Variants in ABHD2 observed in about 807,000 individuals in gnomAD.
ABHD2 encodes monoacylglycerol lipase ABHD2.
In ABHD2, 20 loss-of-function variants were observed where a neutral mutation model predicts 48.1. The ratio of observed to expected loss-of-function variants is 0.42; its 90% CI spans 0.29 to 0.60. The LOEUF (loss-of-function observed/expected upper bound fraction) is 0.60. Among genes scored for constraint, ABHD2 ranks in the 20% least tolerant of loss-of-function variants. The pLI is 0.24. For missense variants in ABHD2, 405 were observed against 550.9 expected, an observed-to-expected ratio of 0.74 and a Z score of 2.65; for synonymous variants, 209 against 214.2, an observed-to-expected ratio of 0.98 and a Z score of 0.21.
chr15:89,064,376 C>T, the ABHD2 span, among the ~76,000 whole-genome samples: 14 of 151,942 alleles, frequency 9.2e-5, no homozygotes, highest in African/African-American at 2.2e-4. Flanking sequence ...TGTGCTACCA[C>T]GCCCGGCTAA....
chr15:89,145,135 A>G (rs2050470086), intron 3 of ABHD2, among the ~76,000 whole-genome samples: 1 of 152,210 alleles, frequency 6.6e-6, no homozygotes, highest in African/African-American at 2.4e-5. Context: ...AGGTGCCTGT[A>G]ATCCCAGCTA....
the ABHD2 span, among the ~76,000 whole-genome samples, chr15:89,074,821 T>A: frequency 1.3e-5 from 2 of 152,210 alleles, no homozygotes; most frequent in South Asian, 4.1e-4. Context: ...CTCTTCCCTA[T>A]CTGTCTTTTA....
Position 89,189,374 on chromosome 15 carries a change from T to A in ABHD2, c.926+1071T>A, listed in dbSNP as rs1295503316. 6.6e-6 allele frequency among the ~76,000 whole-genome samples: 1 copy of A among 152,050 alleles called. No individual in the cohort carries two copies. Among genetic ancestry groups the A allele is most frequent in the Non-Finnish European group, 1.5e-5 (1 of 68,010 alleles). The stretch of plus-strand genomic sequence containing the variant: ...CGGGCATAGTGGCACACACCTGTAG[T>A]CCCAGCTGCTTAGGAGGCTGAGACA... On this transcript the variant is annotated intron_variant, in intron 8 of 10. Coordinates refer to ENST00000352732, the MANE Select transcript of ABHD2 (RefSeq NM_152924.5). This position sits in a 1 kb window ranked among gnomAD's most constrained non-coding sequence, Gnocchi z 4.9.
intron 5 of ABHD2, among the ~76,000 whole-genome samples, chr15:89,160,213 G>A (rs1031994952): frequency 2.0e-5 from 3 of 152,192 alleles, no homozygotes; most frequent in African/African-American, 4.8e-5. Flanking sequence ...AGCAAAGCCC[G>A]TGTTTGTTAC....
chr15:89,089,120 C>CT, intron 1 of ABHD2, among the ~76,000 whole-genome samples: 1 of 152,364 alleles, frequency 6.6e-6, no homozygotes, highest in Middle Eastern at 3.4e-3. Context: ...CCTTCGTGAG[C>CT]TTTTCCCACA....
Position 89,178,575 on chromosome 15 carries a change from C to T in ABHD2, c.722+2580C>T, listed in dbSNP as rs1006576301. On this transcript the variant is annotated intron_variant, in intron 6 of 10. Transcript: ENST00000352732. ...AGCTCACCTCCCATCTAGCCAGAGC[C>T]GGTTGAAGGCTCAGAGAGAAGCCAG... is the stretch of plus-strand genomic sequence containing the variant. Among the ~76,000 whole-genome samples the T allele has an allele frequency of 3.3e-5, 5 of 152,186 alleles. No individual in the cohort carries two copies. The East Asian group carries it at 5.8e-4, about 18-fold the overall frequency.
At chr15:89,165,313 T>A (rs1356442419) in intron 5 of ABHD2, among the ~76,000 whole-genome samples, 4 of 152,118 alleles carry the variant, frequency 2.6e-5, no homozygotes, top group African/African-American at 7.2e-5. Context: ...TTTAAAAAAA[T>A]TCCTCACACT....
the ABHD2 span, among the ~76,000 whole-genome samples, chr15:89,052,546 G>GACACACACACACAC: frequency 7.3e-6 from 1 of 137,068 alleles, no homozygotes; most frequent in Non-Finnish European, 1.6e-5. Flanking sequence ...CAGACAGACA[G>GACACACACACACAC]ACAGACAGAC....
rs1251444024 is a variant in ABHD2 at position 89,088,863 on chromosome 15, C to T, written c.-107+300C>T. ...GGCCTTTCCCCCATTGGTGCTCACT[C>T]CTGGGTCTTCAGGGGCCTGGGGAGG... On this transcript the variant is annotated intron_variant, in intron 1 of 10. Transcript: ENST00000352732. The surrounding 1 kb of genome is among the most constrained non-coding windows in gnomAD (Gnocchi z 6.8). Among the ~76,000 whole-genome samples the T allele has an allele frequency of 6.6e-6, 1 of 152,226 alleles. No homozygotes were observed. Among genetic ancestry groups the T allele is most frequent in the African/African-American group, 2.4e-5 (1 of 41,468 alleles).
At chr15:89,141,469 C>T (rs563363617) in intron 3 of ABHD2, among the ~76,000 whole-genome samples, 4 of 152,158 alleles carry the variant, frequency 2.6e-5, no homozygotes, top group Non-Finnish European at 5.9e-5. Flanking sequence ...CCCATCTCTG[C>T]TAAAAATACA....
chr15:89,185,304 C>G lies in ABHD2; in HGVS notation c.723-120C>G. 1.5e-6 allele frequency: 1 copy of G among 686,640 alleles called. No individual in the cohort carries two copies. The highest frequency in any genetic ancestry group is 2.5e-6 in the Non-Finnish European group (1 of 395,224). The allele number at this position is 686,640 out of a possible 1,614,324, so 42.5% of individuals were successfully genotyped here. On this transcript the variant is annotated intron_variant, in intron 6 of 10. Coordinates refer to ENST00000352732, the MANE Select transcript of ABHD2 (RefSeq NM_152924.5). The surrounding 1 kb of genome is among the most constrained non-coding windows in gnomAD (Gnocchi z 5.9). Reference sequence around the variant, plus strand: ...TAGAGCCTCTGTTTTAATGCAGAGGCCACAGCCTGAGAGCCGGCCCTCTCC... The same window carrying G: ...TAGAGCCTCTGTTTTAATGCAGAGGGCACAGCCTGAGAGCCGGCCCTCTCC...
intron 3 of ABHD2, among the ~76,000 whole-genome samples, chr15:89,141,327 T>C (rs1226022758): frequency 2.6e-5 from 4 of 152,084 alleles, no homozygotes; most frequent in African/African-American, 4.8e-5. Flanking sequence ...GGGCGACATG[T>C]GACCCCACTA....
intron 5 of ABHD2, among the ~76,000 whole-genome samples, chr15:89,162,439 G>A (rs1451644500): frequency 6.6e-6 from 1 of 152,166 alleles, no homozygotes; most frequent in Non-Finnish European, 1.5e-5. Context: ...GGGGTCACTG[G>A]ATGTGACATT....
the ABHD2 span, among the ~76,000 whole-genome samples, chr15:89,048,735 G>C: frequency 6.6e-6 from 1 of 151,934 alleles, no homozygotes; most frequent in Non-Finnish European, 1.5e-5. Flanking sequence ...TCGAGCCTTG[G>C]TTTTCAGCTC....
chr15:89,096,179 C>A (rs897339397), intron 1 of ABHD2, among the ~76,000 whole-genome samples: 3 of 152,182 alleles, frequency 2.0e-5, no homozygotes, highest in African/African-American at 7.2e-5. Flanking sequence ...CAGGACCACA[C>A]TGACATTGTC....
In ABHD2 at chr15:89,155,567, C is replaced by G; in HGVS notation, c.538+33C>G. 1 of 1,591,536 alleles carries G rather than the reference C, an allele frequency of 6.3e-7. No individual in the cohort carries two copies. The highest frequency in any genetic ancestry group is 8.6e-7 in the Non-Finnish European group (1 of 1,164,606). ...TGGCTAAGTGGAGTCCTCCCTTTTTCTGCAAGTGTGCTACTACTTCTGCTT... is the reference window on the plus strand; with the variant it reads ...TGGCTAAGTGGAGTCCTCCCTTTTTGTGCAAGTGTGCTACTACTTCTGCTT... On this transcript the variant is annotated intron_variant, in intron 5 of 10. Transcript: ENST00000352732. The surrounding 1 kb of genome is among the most constrained non-coding windows in gnomAD (Gnocchi z 4.9).
At chr15:89,077,047 A>G in the ABHD2 span, among the ~76,000 whole-genome samples, 1 of 152,156 alleles carries the variant, frequency 6.6e-6, no homozygotes. Context: ...CATGAATCAT[A>G]AGTGAGCAGC....
chr15:89,132,738 T>C (rs914238794), intron 3 of ABHD2, among the ~76,000 whole-genome samples: 3 of 152,160 alleles, frequency 2.0e-5, no homozygotes, highest in African/African-American at 7.2e-5. Flanking sequence ...CATTTGTCCT[T>C]TATATGTAAA....
At chr15:89,050,868 C>G in the ABHD2 span, among the ~76,000 whole-genome samples, 1 of 152,078 alleles carries the variant, frequency 6.6e-6, no homozygotes, top group Non-Finnish European at 1.5e-5. Flanking sequence ...GGATTTAAAA[C>G]CTTTTTGAGA....
Sources: gnomAD v4.1 joint callset for allele counts (sites outside exome capture counted in the v4.1 genomes callset) on GRCh38, gnomAD v4.1.1 for gene constraint, Gnocchi (gnomAD v3.1) non-coding constraint, MANE v1.5 for transcripts, NCBI Gene and HGNC (gene_info 2026-07-23, HGNC 2026-07-21) for gene names.